Variants in ACSS3 observed in about 807,000 individuals in gnomAD.
ACSS3 encodes acyl-CoA synthetase short chain family member 3, also known as acyl-CoA synthetase short-chain family member 3, mitochondrial.
ACSS3 carries 64 observed loss-of-function variants against 84.2 expected under a neutral mutation model. The ratio of observed to expected loss-of-function variants is 0.76; its 90% confidence interval spans 0.62 to 0.94. The LOEUF (loss-of-function observed/expected upper bound fraction) is 0.94, where lower values mean the gene tolerates loss of function less well. Among genes scored for constraint, ACSS3 ranks in the 40% least tolerant of loss-of-function variants. ACSS3 has a pLI of 0.00. For synonymous variants in ACSS3, 317 were observed against 310.1 expected (o/e 1.02, Z -0.23); for missense variants, 815 against 867.6 (o/e 0.94, Z 0.76).
At chr12:81,202,479 ATGG>A (rs1288766482) in intron 9 of ACSS3, among the ~76,000 whole-genome samples, 1 of 152,104 alleles carries the variant, frequency 6.6e-6, no homozygotes, top group Non-Finnish European at 1.5e-5. Flanking sequence ...TATCAAATAG[ATGG>A]TGGTACATTT....
chr12:81,242,410 G>A (rs957521577), intron 13 of ACSS3, among the ~76,000 whole-genome samples: 2 of 151,332 alleles, frequency 1.3e-5, no homozygotes, highest in African/African-American at 4.8e-5. Context: ...TGGATTCACA[G>A]CCAAATTCTA....
rs562503914 is a variant in ACSS3 at position 81,248,951 on chromosome 12, G to A, written c.1720-4356G>A. 2.0e-4 allele frequency among the ~76,000 whole-genome samples: 31 copies of A among 151,994 alleles called. 1 individual carries two copies. The South Asian group carries it at 4.1e-3, about 20-fold the overall frequency. Reference sequence around the variant, plus strand: ...ATTATTACACCAAAAATATTTCAGGGAACTCTATTTTCTTTTCTGTTCTCA... The same window carrying A: ...ATTATTACACCAAAAATATTTCAGGAAACTCTATTTTCTTTTCTGTTCTCA... On this transcript the variant is annotated intron_variant, in intron 13 of 15. Coordinates refer to ENST00000548058, the MANE Select transcript of ACSS3 (RefSeq NM_024560.4).
chr12:81,192,952 A>G (rs1021180344), intron 8 of ACSS3, among the ~76,000 whole-genome samples: 1 of 152,112 alleles, frequency 6.6e-6, no homozygotes, highest in Non-Finnish European at 1.5e-5. Context: ...GTTTGGTTGT[A>G]CTTGAGAAAA....
chr12:81,244,748 T>C lies in ACSS3; in HGVS notation c.1720-8559T>C, dbSNP rs12306453. On this transcript the variant is annotated intron_variant, in intron 13 of 15. Transcript: ENST00000548058. ...TTTCTTAGAATTTTAATCTCTCTGCTCAGCTTACATTAATCATCTATTATT... is the reference window on the plus strand; with the variant it reads ...TTTCTTAGAATTTTAATCTCTCTGCCCAGCTTACATTAATCATCTATTATT... 1.8e-3 allele frequency among the ~76,000 whole-genome samples: 268 copies of C among 152,328 alleles called. 3 individuals carry two copies. Among genetic ancestry groups the C allele is most frequent in the African/African-American group, 6.0e-3 (251 of 41,584 alleles).
intron 13 of ACSS3, among the ~76,000 whole-genome samples, chr12:81,249,468 C>A (rs79058721): frequency 0.014 from 2,172 of 152,080 alleles, 48 homozygotes; most frequent in African/African-American, 0.041. Context: ...GGTTCACATG[C>A]CTTTTGCCTT....
Position 81,257,991 on chromosome 12 carries a change from T to C in ACSS3, c.*3069T>C, listed in dbSNP as rs2034375352. The C allele has an allele frequency of 6.6e-6, 1 of 152,188 alleles. No individual in the cohort carries two copies. Among genetic ancestry groups the C allele is most frequent in the Non-Finnish European group, 1.5e-5 (1 of 68,030 alleles). The allele number at this position is 152,188 out of a possible 1,614,324, so 9.4% of individuals were successfully genotyped here. On this transcript the variant is annotated 3_prime_UTR_variant, in exon 16 of 16. Coordinates refer to ENST00000548058, the MANE Select transcript of ACSS3 (RefSeq NM_024560.4). ...GTAGATACAAATCTAGTTATGGCAT[T>C]ATAATGTCGTAGTTCCTATATTCTA...
Position 81,113,091 on chromosome 12 carries a change from T to A in ACSS3, c.456+3387T>A, listed in dbSNP as rs138361300. Among the ~76,000 whole-genome samples, 75 of 152,214 alleles carry A rather than the reference T, an allele frequency of 4.9e-4. No homozygotes were observed. The East Asian group carries it at 0.014, about 28-fold the overall frequency. On this transcript the variant is annotated intron_variant, in intron 2 of 15. Transcript: ENST00000548058. ...TTTGTATGCCAAACCCTGATAGGAATAAGAAATACAAAGTAAATGAACCCA... is the reference window on the plus strand; with the variant it reads ...TTTGTATGCCAAACCCTGATAGGAAAAAGAAATACAAAGTAAATGAACCCA...
intron 11 of ACSS3, among the ~76,000 whole-genome samples, chr12:81,230,112 A>T (rs989328452): frequency 2.0e-5 from 3 of 151,876 alleles, no homozygotes; most frequent in African/African-American, 4.8e-5. Context: ...CAGCATGAGA[A>T]CTACGAATTT....
intron 13 of ACSS3, among the ~76,000 whole-genome samples, chr12:81,245,177 T>C (rs1376022846): frequency 6.6e-6 from 1 of 152,100 alleles, no homozygotes; most frequent in Non-Finnish European, 1.5e-5. Flanking sequence ...TAAAATAGGA[T>C]GAGGGCTGGC....
intron 13 of ACSS3, among the ~76,000 whole-genome samples, chr12:81,243,110 C>G (rs1327018120): frequency 6.6e-6 from 1 of 151,956 alleles, no homozygotes; most frequent in Non-Finnish European, 1.5e-5. Context: ...CTAGAAAACC[C>G]CATTGTCTCA....
At chr12:81,154,820 C>T (rs1246531051) in intron 7 of ACSS3, among the ~76,000 whole-genome samples, 1 of 152,156 alleles carries the variant, frequency 6.6e-6, no homozygotes, top group African/African-American at 2.4e-5. Context: ...GTGATCCTTT[C>T]CTCTCTCTTG....
At chr12:81,249,131 G>A (rs1187462669) in intron 13 of ACSS3, among the ~76,000 whole-genome samples, 1 of 152,004 alleles carries the variant, frequency 6.6e-6, no homozygotes, top group East Asian at 1.9e-4. Flanking sequence ...CCAGCATTGA[G>A]CTAGACATTT....
rs2034475249 is a variant in ACSS3, at chr12:81,258,704, C to A, written c.*3782C>A. 1 of 152,078 alleles carries A rather than the reference C, an allele frequency of 6.6e-6. No individual in the cohort carries two copies. Among genetic ancestry groups the A allele is most frequent in the Non-Finnish European group, 1.5e-5 (1 of 68,024 alleles). 9.4% of individuals were successfully genotyped at this position (152,078 alleles called of 1,614,324 possible). On this transcript the variant is annotated 3_prime_UTR_variant, in exon 16 of 16. Transcript: ENST00000548058. ...ATTAGACATGAGTCTGGCTAATGCC[C>A]TGTTACATTGACAAAAGGGAAAGGT...
chr12:81,096,439 A>G (rs983118212), intron 1 of ACSS3, among the ~76,000 whole-genome samples: 2 of 152,192 alleles, frequency 1.3e-5, no homozygotes, highest in Non-Finnish European at 2.9e-5. Flanking sequence ...TGGATACTTA[A>G]AAGCGGACAT....
rs991970343 is a variant in ACSS3, at chr12:81,257,999, C to T, written c.*3077C>T. 4 of 152,042 alleles carry T rather than the reference C, an allele frequency of 2.6e-5. No individual in the cohort carries two copies. The highest frequency in any genetic ancestry group is 1.9e-4 in the East Asian group (1 of 5,190). 9.4% of individuals were successfully genotyped at this position (152,042 alleles called of 1,614,324 possible). ...AAATCTAGTTATGGCATTATAATGT[C>T]GTAGTTCCTATATTCTATTTCATTT... is the stretch of plus-strand genomic sequence containing the variant. On this transcript the variant is annotated 3_prime_UTR_variant, in exon 16 of 16. Transcript: ENST00000548058.
At chr12:81,191,776 T>C (rs2031581351) in intron 8 of ACSS3, among the ~76,000 whole-genome samples, 1 of 152,174 alleles carries the variant, frequency 6.6e-6, no homozygotes, top group Non-Finnish European at 1.5e-5. Context: ...CAGGCTCTGT[T>C]TGATGATTTT....
At chr12:81,180,821 C>A (rs1235581401) in intron 8 of ACSS3, among the ~76,000 whole-genome samples, 1 of 152,080 alleles carries the variant, frequency 6.6e-6, no homozygotes, top group Non-Finnish European at 1.5e-5. Flanking sequence ...AGGTCATGGA[C>A]CTACATTTTT....
intron 1 of ACSS3, among the ~76,000 whole-genome samples, chr12:81,099,719 T>A (rs1041617127): frequency 4.4e-5 from 6 of 136,136 alleles, no homozygotes; most frequent in Non-Finnish European, 7.8e-5. Flanking sequence ...GAAAGAAGAC[T>A]TTTTTTTTCA....
intron 4 of ACSS3, among the ~76,000 whole-genome samples, chr12:81,141,282 T>A (rs544423195): frequency 1.4e-4 from 22 of 152,324 alleles, no homozygotes; most frequent in Non-Finnish European, 2.6e-4. Context: ...TTAGACCTGC[T>A]GTTTTGGCAG....
Sources: allele counts gnomAD v4.1 joint callset (sites outside exome capture counted in the v4.1 genomes callset), GRCh38; gene constraint gnomAD v4.1.1; transcripts MANE v1.5; gene names NCBI Gene and HGNC (gene_info 2026-07-23, HGNC 2026-07-21).